Variants in TIPARP observed in about 807,000 individuals in gnomAD.
TIPARP encodes protein mono-ADP-ribosyltransferase TIPARP.
A neutral mutation model predicts 56.5 loss-of-function variants in TIPARP; 12 were observed. That is an observed-to-expected ratio of 0.21 (90% CI 0.14 to 0.34). TIPARP has a LOEUF of 0.34. TIPARP is among the 10% of genes least tolerant of loss of function. The pLI is 1.00. For synonymous variants in TIPARP, 296 were observed against 265.7 expected (o/e 1.11, Z -1.11); for missense variants, 604 against 781.6 (o/e 0.77, Z 2.71).
At chr3:156,685,849 T>C (rs1337877512) in intron 2 of TIPARP, among the ~76,000 whole-genome samples, 1 of 152,338 alleles carries the variant, frequency 6.6e-6, no homozygotes, top group Non-Finnish European at 1.5e-5. Context: ...CAGTAGTGCA[T>C]GTGCTTTCAG....
intron 5 of TIPARP, 75 bp downstream of exon 5, chr3:156,703,777 G>A: frequency 6.9e-7 from 1 of 1,450,814 alleles, no homozygotes. Flanking sequence ...ACTTTGGGAG[G>A]CCGAGGCGGG....
At position 156,678,103 on chromosome 3, in the gene TIPARP, C is replaced by T. The variant is rs558453273; in HGVS notation, c.406C>T (p.Pro136Ser). The T allele has an allele frequency of 4.5e-5, 73 of 1,614,110 alleles. 2 individuals carry two copies. In the South Asian group the frequency reaches 7.7e-4, roughly 17 times the overall value. ...PSTEAPERVV[P>S]IQDHSFPSET... ...CACTGAAGCTCCAGAACGAGTGGTT[C>T]CAATCCAAGATCACAGCTTTCCATC... Residue 136 changes from proline to serine, a missense_variant, in exon 2 of 6, where the codon CCA becomes TCA. Physicochemically the swap from Pro to Ser is moderately conservative, Grantham distance 74. Around this residue, in one of 4 missense-constraint regions of TIPARP, gnomAD observed 261 missense variants for 279.2 expected, o/e 0.93. Coordinates refer to ENST00000295924, the MANE Select transcript of TIPARP (RefSeq NM_015508.5).
intron 2 of TIPARP, among the ~76,000 whole-genome samples, chr3:156,688,372 C>CAAA (rs56676116): frequency 2.4e-5 from 2 of 83,836 alleles, no homozygotes; most frequent in Non-Finnish European, 4.6e-5. Context: ...GACCCTATCT[C>CAAA]AAAAAAAAAA....
intron 2 of TIPARP, among the ~76,000 whole-genome samples, chr3:156,683,696 A>G (rs1026278747): frequency 3.3e-5 from 5 of 152,236 alleles, no homozygotes; most frequent in African/African-American, 1.2e-4. Flanking sequence ...ACCATAAAGT[A>G]AAGATAAACT....
intron 2 of TIPARP, among the ~76,000 whole-genome samples, chr3:156,681,730 A>C (rs1722313103): frequency 6.6e-6 from 1 of 152,216 alleles, no homozygotes; most frequent in Non-Finnish European, 1.5e-5. Flanking sequence ...CCTTGTAATG[A>C]AATTATGATG....
At chr3:156,698,717 C>G (rs945263307) in intron 4 of TIPARP, among the ~76,000 whole-genome samples, 15 of 152,208 alleles carry the variant, frequency 9.9e-5, no homozygotes, top group Admixed American at 8.5e-4. Flanking sequence ...AACATCCATT[C>G]TGCAGCCCAC....
chr3:156,693,914 C>A, intron 2 of TIPARP, 106 bp from the exon 3 acceptor site: 1 of 1,228,350 alleles, frequency 8.1e-7, no homozygotes, highest in Non-Finnish European at 1.1e-6. Flanking sequence ...AATTCTACAA[C>A]AGGCTATGCT....
rs780604647 is a variant in TIPARP at position 156,678,043 on chromosome 3, A to G, written c.346A>G (p.Asn116Asp). The G allele has an allele frequency of 1.2e-6, 2 of 1,614,116 alleles. No homozygotes were observed. The highest frequency in any genetic ancestry group is 2.2e-5 in the South Asian group (2 of 91,088). Reference protein sequence around the residue: ...NMSVLIPDRTNVGDQIPEAHP... With the variant: ...NMSVLIPDRTDVGDQIPEAHP... ...GTCTGTTCTGATTCCTGATAGGACAAATGTTGGGGACCAGATACCGGAAGC... is the reference window on the plus strand; with the variant it reads ...GTCTGTTCTGATTCCTGATAGGACAGATGTTGGGGACCAGATACCGGAAGC... Residue 116 changes from asparagine to aspartate, a missense_variant, in exon 2 of 6, where the codon AAT (asparagine) becomes GAT (aspartate). Physicochemically the swap from Asn to Asp is conservative, Grantham distance 23. Transcript: ENST00000295924.
chr3:156,703,796 G>A (rs915068586), intron 5 of TIPARP, 94 bp downstream of exon 5: 156 of 1,308,634 alleles, frequency 1.2e-4, no homozygotes, highest in Non-Finnish European at 1.6e-4. Flanking sequence ...GGCAGATTAC[G>A]AGGTCAGGAG....
intron 2 of TIPARP, among the ~76,000 whole-genome samples, chr3:156,682,016 A>T (rs545228593): frequency 1.3e-5 from 2 of 152,328 alleles, no homozygotes; most frequent in African/African-American, 4.8e-5. Context: ...AAGCAGTTTT[A>T]AAAGAGCCTT....
At chr3:156,690,815 A>G (rs1722554353) in intron 2 of TIPARP, among the ~76,000 whole-genome samples, 1 of 152,162 alleles carries the variant, frequency 6.6e-6, no homozygotes, top group African/African-American at 2.4e-5. Context: ...CCTTTAGACC[A>G]GATGGGGTTT....
chr3:156,705,047 G>A lies in TIPARP; in HGVS notation c.1890G>A (p.Gln630=), dbSNP rs374432335. 81 of 1,614,084 alleles carry A rather than the reference G, an allele frequency of 5.0e-5. No individual in the cohort carries two copies. The highest frequency in any genetic ancestry group is 2.2e-4 in the Admixed American group (13 of 60,012). Residue 630 remains glutamine (Q), a synonymous_variant, in exon 6 of 6, where the codon CAG becomes CAA. Coordinates refer to ENST00000295924, the MANE Select transcript of TIPARP (RefSeq NM_015508.5). ...DSCVDNFFEP[Q]IFVIFNDDQS... is the part of the protein sequence containing the mutation. Reference sequence around the variant, plus strand: ...GTGTGGATAATTTCTTTGAGCCTCAGATTTTTGTCATTTTTAATGATGACC... The same window carrying A: ...GTGTGGATAATTTCTTTGAGCCTCAAATTTTTGTCATTTTTAATGATGACC...
At chr3:156,685,887 C>T (rs1471025858) in intron 2 of TIPARP, among the ~76,000 whole-genome samples, 1 of 152,208 alleles carries the variant, frequency 6.6e-6, no homozygotes, top group Non-Finnish European at 1.5e-5. Context: ...GTGATCTTCA[C>T]AGTTCCTGCA....
At chr3:156,690,872 A>G (rs191236790) in intron 2 of TIPARP, among the ~76,000 whole-genome samples, 200 of 152,188 alleles carry the variant, frequency 1.3e-3, no homozygotes, top group African/African-American at 4.8e-3. Flanking sequence ...GACACCCCCA[A>G]TCTCTAGCAC....
At position 156,677,813 on chromosome 3, in the gene TIPARP, G is replaced by A. The variant is rs1330694297; in HGVS notation, c.116G>A (p.Cys39Tyr). ...LSEKITPLKT[C>Y]FKKKDQKRLG... Reference sequence around the variant, plus strand: ...GAGAAGATCACTCCATTGAAGACTTGTTTTAAGAAAAAGGATCAGAAAAGA... The same window carrying A: ...GAGAAGATCACTCCATTGAAGACTTATTTTAAGAAAAAGGATCAGAAAAGA... Residue 39 changes from cysteine (C) to tyrosine (Y), a missense_variant, in exon 2 of 6, where the codon TGT (cysteine) becomes TAT (tyrosine). Around this residue, in one of 4 missense-constraint regions of TIPARP, gnomAD observed 261 missense variants for 279.2 expected, o/e 0.93. Transcript: ENST00000295924. 6.2e-7 allele frequency: 1 copy of A among 1,614,104 alleles called. No homozygotes were observed. The highest frequency in any genetic ancestry group is 1.7e-5 in the Admixed American group (1 of 60,020).
intron 3 of TIPARP, 38 bp from the exon 4 acceptor site, chr3:156,695,827 T>C: frequency 1.3e-6 from 1 of 762,892 alleles, no homozygotes; most frequent in Non-Finnish European, 1.6e-6. Flanking sequence ...TTAACTTTCC[T>C]TTTTTTTTTT....
Position 156,678,015 on chromosome 3 carries a change from T to A in TIPARP, c.318T>A (p.Asn106Lys). ...CATCATGCCCACCAGCAGAAAATAA[T>A]ATGTCTGTTCTGATTCCTGATAGGA... ...INSSCPPAEN[N>K]MSVLIPDRTN... The change falls in exon 2 of 6, where the codon AAT becomes AAA. Residue 106 changes from asparagine to lysine, a missense_variant. Transcript: ENST00000295924. The A allele has an allele frequency of 3.7e-6, 6 of 1,614,088 alleles. No homozygotes were observed. The highest frequency in any genetic ancestry group is 5.1e-6 in the Non-Finnish European group (6 of 1,180,040).
chr3:156,700,110 T>C (rs1722811125), intron 4 of TIPARP, among the ~76,000 whole-genome samples: 1 of 152,028 alleles, frequency 6.6e-6, no homozygotes, highest in Non-Finnish European at 1.5e-5. Context: ...TTTATATTTT[T>C]TAAAACTTTT....
chr3:156,703,825 A>T, intron 5 of TIPARP, 123 bp downstream of exon 5: 2 of 984,272 alleles, frequency 2.0e-6, no homozygotes, highest in Non-Finnish European at 2.9e-6. Flanking sequence ...CATCCTAGCT[A>T]ACACGGTGAA....
Sources: allele counts gnomAD v4.1 joint callset (sites outside exome capture counted in the v4.1 genomes callset), GRCh38; gene constraint gnomAD v4.1.1; regional missense constraint gnomAD v4.1.1; transcripts MANE v1.5; gene names NCBI Gene and HGNC (gene_info 2026-07-23, HGNC 2026-07-21).